RIMS2: variants seen among roughly 807,000 people sequenced by gnomAD.
RIMS2 encodes regulating synaptic membrane exocytosis 2.
In RIMS2, 59 loss-of-function variants were observed where a neutral mutation model predicts 174.4. That is an observed-to-expected ratio of 0.34 (90% CI 0.27 to 0.42). The LOEUF is 0.42. Among genes scored for constraint, RIMS2 ranks in the 10% least tolerant of loss-of-function variants. The pLI is 1.00. For missense variants in RIMS2, 1,620 were observed against 1,666.3 expected, an observed-to-expected ratio of 0.97 and a Z score of 0.48; for synonymous variants, 606 against 572.5, an observed-to-expected ratio of 1.06 and a Z score of -0.84.
At chr8:103,749,782 G>T (rs1005358909) in intron 2 of RIMS2, among the ~76,000 whole-genome samples, 1 of 152,094 alleles carries the variant, frequency 6.6e-6, no homozygotes, top group Non-Finnish European at 1.5e-5. Context: ...GGGATCAGGT[G>T]ATTACATAAA....
chr8:104,213,889 AAGAAG>A (rs201967457), intron 19 of RIMS2, among the ~76,000 whole-genome samples: 18,662 of 113,386 alleles, frequency 0.16, 1,602 homozygotes, highest in African/African-American at 0.29. Context: ...AAAAAAAAAA[AAGAAG>A]AAGAAGAAGA....
At chr8:103,691,934 G>A (rs2097031059) in intron 1 of RIMS2, among the ~76,000 whole-genome samples, 1 of 152,178 alleles carries the variant, frequency 6.6e-6, no homozygotes, top group Non-Finnish European at 1.5e-5. Flanking sequence ...CAGTAATGTT[G>A]CAGACTCACA....
At chr8:103,866,670 T>C (rs1167600763) in intron 3 of RIMS2, among the ~76,000 whole-genome samples, 2 of 152,114 alleles carry the variant, frequency 1.3e-5, no homozygotes, top group African/African-American at 2.4e-5. Flanking sequence ...TAACGTTGTC[T>C]TTGTATAATC....
intron 3 of RIMS2, among the ~76,000 whole-genome samples, chr8:103,783,174 G>A (rs2098407499): frequency 6.6e-6 from 1 of 151,982 alleles, no homozygotes; most frequent in Non-Finnish European, 1.5e-5. Flanking sequence ...TCACTGCCTT[G>A]CACTTGTATG....
chr8:103,991,323 A>G (rs1206743866), intron 17 of RIMS2, among the ~76,000 whole-genome samples: 1 of 151,672 alleles, frequency 6.6e-6, no homozygotes, highest in Non-Finnish European at 1.5e-5. Flanking sequence ...AATAAATAAA[A>G]TAGAATTTTA....
intron 19 of RIMS2, among the ~76,000 whole-genome samples, chr8:104,040,986 A>G (rs2096598656): frequency 6.6e-6 from 1 of 151,760 alleles, no homozygotes; most frequent in African/African-American, 2.4e-5. Flanking sequence ...CAATGTGGTC[A>G]TGCAACTAAC....
At chr8:103,587,287 G>C (rs945590212) in intron 1 of RIMS2, among the ~76,000 whole-genome samples, 2 of 151,850 alleles carry the variant, frequency 1.3e-5, no homozygotes, top group Non-Finnish European at 2.9e-5. Flanking sequence ...TTAAAGAAGA[G>C]TGGATACCAG....
chr8:103,944,759 T>C (rs1046221349), intron 14 of RIMS2, among the ~76,000 whole-genome samples: 11 of 152,094 alleles, frequency 7.2e-5, no homozygotes, highest in Non-Finnish European at 1.3e-4. Flanking sequence ...TGGCTGCATG[T>C]AGTACCATGT....
intron 19 of RIMS2, among the ~76,000 whole-genome samples, chr8:104,077,159 C>A (rs572891658): frequency 6.6e-6 from 1 of 152,130 alleles, no homozygotes; most frequent in East Asian, 1.9e-4. Context: ...AGATTAAAGT[C>A]TTAGAGCAGA....
In RIMS2 at chr8:103,988,959, T is replaced by A. The variant is rs1379717014; in HGVS notation, c.2928-346T>A. Among the ~76,000 whole-genome samples the A allele has an allele frequency of 2.0e-5, 3 of 152,320 alleles. No homozygotes were observed. The East Asian group carries it at 5.8e-4, about 29-fold the overall frequency. On this transcript the variant is annotated intron_variant, in intron 16 of 23. Transcript: ENST00000504942. ...TCTAACACTGAACATATTTTCTCCATACAAATCTTCTCCTCTTGAGTATAT... is the reference window on the plus strand; with the variant it reads ...TCTAACACTGAACATATTTTCTCCAAACAAATCTTCTCCTCTTGAGTATAT...
chr8:103,565,329 A>T (rs1359556860), intron 1 of RIMS2, among the ~76,000 whole-genome samples: 1 of 151,492 alleles, frequency 6.6e-6, no homozygotes, highest in Non-Finnish European at 1.5e-5. Flanking sequence ...TTTGGAGACG[A>T]GGTCTCACTC....
intron 1 of RIMS2, among the ~76,000 whole-genome samples, chr8:103,623,784 C>G (rs946079106): frequency 2.0e-5 from 3 of 147,082 alleles, no homozygotes; most frequent in African/African-American, 2.6e-5. Context: ...CCACCGCGCC[C>G]GGTCTCTTCA....
chr8:103,558,721 A>T (rs2091006319), intron 1 of RIMS2, among the ~76,000 whole-genome samples: 1 of 152,178 alleles, frequency 6.6e-6, no homozygotes, highest in Non-Finnish European at 1.5e-5. Context: ...CCACAAGTAA[A>T]GTCAGAAGTA....
intron 4 of RIMS2, among the ~76,000 whole-genome samples, chr8:103,897,628 G>T (rs368439516): frequency 1.3e-5 from 2 of 151,686 alleles, no homozygotes; most frequent in African/African-American, 4.9e-5. Context: ...CTTATGAGGG[G>T]CACTTCTAGC....
intron 3 of RIMS2, among the ~76,000 whole-genome samples, chr8:103,876,888 A>T (rs1281624295): frequency 1.7e-5 from 1 of 57,288 alleles, no homozygotes; most frequent in African/African-American, 5.4e-5. Context: ...ATATATATAT[A>T]TATATATATA....
At chr8:103,663,148 G>A (rs796862840) in intron 1 of RIMS2, among the ~76,000 whole-genome samples, 22 of 151,406 alleles carry the variant, frequency 1.5e-4, no homozygotes, top group African/African-American at 4.9e-4. Flanking sequence ...TAGCCTGGGT[G>A]ACAGAGTGTG....
chr8:103,658,151 T>G (rs1325157010), intron 1 of RIMS2, among the ~76,000 whole-genome samples: 1 of 152,208 alleles, frequency 6.6e-6, no homozygotes, highest in Admixed American at 6.5e-5. Context: ...AATTTGCTAT[T>G]TGTAGTGTTT....
chr8:103,582,443 T>A (rs2093670605), intron 1 of RIMS2, among the ~76,000 whole-genome samples: 1 of 152,086 alleles, frequency 6.6e-6, no homozygotes, highest in Non-Finnish European at 1.5e-5. Context: ...GCACCTTAGG[T>A]GCCAACATAG....
chr8:103,629,839 C>T (rs995402914), intron 1 of RIMS2, among the ~76,000 whole-genome samples: 1 of 151,636 alleles, frequency 6.6e-6, no homozygotes, highest in African/African-American at 2.4e-5. Flanking sequence ...CTGAGTAATA[C>T]CAATTTTAAA....
Sources: gnomAD v4.1 joint callset for allele counts (sites outside exome capture counted in the v4.1 genomes callset) on GRCh38, gnomAD v4.1.1 for gene constraint, MANE v1.5 for transcripts, NCBI Gene and HGNC (gene_info 2026-07-23, HGNC 2026-07-21) for gene names.